Variants in GAS7 observed in about 807,000 individuals in gnomAD.
The protein encoded by GAS7 is growth arrest-specific protein 7.
Under a neutral mutation model 71.1 loss-of-function variants are expected in GAS7, and 28 were observed. That is an observed-to-expected ratio of 0.39 (90% confidence interval 0.29 to 0.54). GAS7 has a LOEUF of 0.54. GAS7 is among the 20% of genes least tolerant of loss of function. The pLI is 0.62. For synonymous variants in GAS7, 258 were observed against 245.8 expected (o/e 1.05, Z -0.46); for missense variants, 436 against 627.8 (o/e 0.69, Z 3.27).
At chr17:10,138,625 G>C (rs927651250) in intron 1 of GAS7, among the ~76,000 whole-genome samples, 4 of 152,022 alleles carry the variant, frequency 2.6e-5, no homozygotes, top group Admixed American at 6.6e-5. Flanking sequence ...AAATTAGCCA[G>C]GCATGGTGGT....
chr17:10,191,245 C>T (rs1025851821), intron 1 of GAS7, among the ~76,000 whole-genome samples: 2 of 151,480 alleles, frequency 1.3e-5, no homozygotes, highest in African/African-American at 4.9e-5. Flanking sequence ...GCCACATGTT[C>T]CACAAGCTTG....
intron 1 of GAS7, among the ~76,000 whole-genome samples, chr17:10,169,988 T>G (rs936474580): frequency 2.0e-5 from 3 of 152,086 alleles, no homozygotes; most frequent in Non-Finnish European, 4.4e-5. Context: ...CGCTTTGAGT[T>G]CTCTCTCAAA....
intron 1 of GAS7, among the ~76,000 whole-genome samples, chr17:10,062,207 G>A (rs1190054665): frequency 1.3e-5 from 2 of 152,194 alleles, no homozygotes; most frequent in African/African-American, 2.4e-5. Flanking sequence ...ATTCTAGGCT[G>A]GGCACAATGG....
chr17:9,991,337 G>A (rs1293222023), intron 2 of GAS7, among the ~76,000 whole-genome samples: 3 of 152,116 alleles, frequency 2.0e-5, no homozygotes, highest in Non-Finnish European at 4.4e-5. Flanking sequence ...CACTATGAGT[G>A]GTCCCCAACT....
At chr17:10,173,345 CT>C (rs1395214913) in intron 1 of GAS7, among the ~76,000 whole-genome samples, 1 of 151,812 alleles carries the variant, frequency 6.6e-6, no homozygotes, top group Admixed American at 6.6e-5. Context: ...TTTAACACAA[CT>C]TTTTTTAAAA....
intron 1 of GAS7, among the ~76,000 whole-genome samples, chr17:10,121,229 A>G (rs2073902312): frequency 6.6e-6 from 1 of 152,042 alleles, no homozygotes; most frequent in Non-Finnish European, 1.5e-5. Context: ...AAAAATACAA[A>G]AATTAGCCGG....
rs558031935 is a variant in GAS7 at position 10,173,692 on chromosome 17, C to T, written c.183+24516G>A. Among the ~76,000 whole-genome samples the T allele has an allele frequency of 1.0e-3, 154 of 150,456 alleles. 1 individual carries two copies. Among genetic ancestry groups the T allele is most frequent in the Non-Finnish European group, 9.4e-4 (64 of 67,728 alleles). ...CTGAGGCAAGAGAATGGCGTGAATGCGGGAGGGGGAGCTTGTAGTGAGCCG... is the reference window on the plus strand; with the variant it reads ...CTGAGGCAAGAGAATGGCGTGAATGTGGGAGGGGGAGCTTGTAGTGAGCCG... On this transcript the variant is annotated intron_variant, in intron 1 of 13. Coordinates refer to ENST00000432992, the MANE Select transcript of GAS7 (RefSeq NM_201433.2).
At chr17:10,160,760 A>T (rs2074247891) in intron 1 of GAS7, among the ~76,000 whole-genome samples, 1 of 152,188 alleles carries the variant, frequency 6.6e-6, no homozygotes, top group African/African-American at 2.4e-5. Flanking sequence ...GCTGAATAGC[A>T]GTGGCTTCAC....
intron 1 of GAS7, among the ~76,000 whole-genome samples, chr17:10,021,710 C>CT (rs1567548982): frequency 2.0e-5 from 3 of 152,176 alleles, no homozygotes; most frequent in South Asian, 4.1e-4. Flanking sequence ...CCAGCATGTC[C>CT]AGTAAGCACA....
At chr17:10,029,677 C>T (rs2072562174) in intron 1 of GAS7, among the ~76,000 whole-genome samples, 2 of 151,946 alleles carry the variant, frequency 1.3e-5, no homozygotes, top group Non-Finnish European at 2.9e-5. Flanking sequence ...AACACAGCAA[C>T]TCCATCACCA....
rs908168434 is a variant in GAS7 at position 10,103,786 on chromosome 17, A to G, written c.184-83889T>C. On this transcript the variant is annotated intron_variant, in intron 1 of 13. Transcript: ENST00000432992. The surrounding 1 kb of genome is among the most constrained non-coding windows in gnomAD (Gnocchi z 5.5). ...GGTTGCAGTGAGCCAAGATCTCACC[A>G]TTGCACTCCAGCCTGGGTGACACAG... 1.6e-4 allele frequency among the ~76,000 whole-genome samples: 25 copies of G among 151,548 alleles called. No individual in the cohort carries two copies. The highest frequency in any genetic ancestry group is 5.3e-4 in the Admixed American group (8 of 15,182).
intron 1 of GAS7, chr17:10,036,836 G>T: frequency 3.0e-6 from 2 of 674,172 alleles, no homozygotes; most frequent in Non-Finnish European, 1.9e-6. Flanking sequence ...CAATGGCCAA[G>T]CTTGTGTCAC....
At chr17:10,166,949 G>C (rs190241214) in intron 1 of GAS7, among the ~76,000 whole-genome samples, 89 of 151,816 alleles carry the variant, frequency 5.9e-4, no homozygotes, top group African/African-American at 2.1e-3. Context: ...CTGATGGGTG[G>C]AGACCCTGCT....
At chr17:9,927,804 C>T (rs1227673964) in intron 9 of GAS7, among the ~76,000 whole-genome samples, 4 of 152,174 alleles carry the variant, frequency 2.6e-5, no homozygotes, top group Non-Finnish European at 5.9e-5. Flanking sequence ...GTCCAAACCT[C>T]GAGGAACTGA....
At position 10,198,400 on chromosome 17, in the gene GAS7, G is replaced by C. The variant is rs2074557053; in HGVS notation, c.-10C>G. On this transcript the variant is annotated 5_prime_UTR_variant, in exon 1 of 14. Coordinates refer to ENST00000432992, the MANE Select transcript of GAS7 (RefSeq NM_201433.2). ...AGCGAGCGCCGGACATGGCCTTGGC[G>C]CCCGGGTTCACAGCGCAGCCTGCAT... The C allele has an allele frequency of 6.4e-7, 1 of 1,567,044 alleles. No homozygotes were observed. The highest frequency in any genetic ancestry group is 8.6e-7 in the Non-Finnish European group (1 of 1,165,894).
At chr17:10,106,284 G>A (rs1026232288) in intron 1 of GAS7, among the ~76,000 whole-genome samples, 5 of 151,978 alleles carry the variant, frequency 3.3e-5, no homozygotes, top group South Asian at 2.1e-4. Flanking sequence ...GGTGTGGCTC[G>A]GGTGGCGGCT....
intron 2 of GAS7, among the ~76,000 whole-genome samples, chr17:10,017,317 C>CT (rs2072075207): frequency 6.7e-6 from 1 of 149,268 alleles, no homozygotes; most frequent in African/African-American, 2.5e-5. Flanking sequence ...CGAAAATCAT[C>CT]TTCCACTTTT....
At chr17:10,184,233 C>T (rs11658393) in intron 1 of GAS7, among the ~76,000 whole-genome samples, 78 of 152,062 alleles carry the variant, frequency 5.1e-4, no homozygotes, top group African/African-American at 1.9e-3. Flanking sequence ...GCCTTTCCAG[C>T]GGCTGAATCC....
At chr17:9,986,110 C>A (rs2070639136) in intron 2 of GAS7, among the ~76,000 whole-genome samples, 1 of 152,206 alleles carries the variant, frequency 6.6e-6, no homozygotes, top group Non-Finnish European at 1.5e-5. Flanking sequence ...AAATACGGCA[C>A]CTGGCCTGAA....
Sources: gnomAD v4.1 joint callset for allele counts (sites outside exome capture counted in the v4.1 genomes callset) on GRCh38, gnomAD v4.1.1 for gene constraint, Gnocchi (gnomAD v3.1) non-coding constraint, MANE v1.5 for transcripts, NCBI Gene and HGNC (gene_info 2026-07-23, HGNC 2026-07-21) for gene names.